MYH10: variants seen among roughly 807,000 people sequenced by gnomAD.
MYH10 encodes myosin heavy chain 10.
A neutral mutation model predicts 257.8 loss-of-function variants in MYH10; 55 were observed. The observed-to-expected ratio is 0.21, with a 90% CI of 0.17 to 0.27. The LOEUF is 0.27. Ranked by LOEUF, MYH10 falls within the 10% of genes least tolerant of loss-of-function variation. MYH10 has a pLI of 1.00. For synonymous variants in MYH10, 854 were observed against 921.7 expected, an observed-to-expected ratio of 0.93 and a Z score of 1.33; for missense variants, 1,631 against 2,500.6, an observed-to-expected ratio of 0.65 and a Z score of 7.42.
intron 2 of MYH10, among the ~76,000 whole-genome samples, chr17:8,607,735 T>C (rs1370295876): frequency 1.3e-5 from 2 of 152,216 alleles, no homozygotes; most frequent in East Asian, 3.8e-4. Context: ...ACACAGAAGA[T>C]ACTAAGCTTC....
At chr17:8,603,302 G>A (rs12942296) in intron 3 of MYH10, among the ~76,000 whole-genome samples, 53 of 152,136 alleles carry the variant, frequency 3.5e-4, no homozygotes, top group Non-Finnish European at 5.7e-4. Context: ...GTGCACATCC[G>A]GATAGATCTG....
intron 3 of MYH10, among the ~76,000 whole-genome samples, chr17:8,594,795 A>C (rs1255458311): frequency 6.6e-6 from 1 of 152,200 alleles, no homozygotes; most frequent in Non-Finnish European, 1.5e-5. Context: ...TCCTGTCTAG[A>C]TTACTTATAA....
At chr17:8,487,334 C>T in intron 36 of MYH10, 99 bp downstream of exon 36, 1 of 1,444,764 alleles carries the variant, frequency 6.9e-7, no homozygotes, top group Non-Finnish European at 9.6e-7. Flanking sequence ...GCCACGCTGA[C>T]AGCGGTGCTG....
In MYH10 at chr17:8,548,417, T is replaced by C. The variant is rs375373957; in HGVS notation, c.1064-9A>G. 6 of 1,458,938 alleles carry C rather than the reference T, an allele frequency of 4.1e-6. No individual in the cohort carries two copies. The Admixed American group carries it at 1.3e-4, about 31-fold the overall frequency. The allele number at this position is 1,458,938 out of a possible 1,614,324, so 90.4% of individuals were successfully genotyped here. A position where few individuals can be genotyped will look rare whatever the true frequency, so the allele number is the denominator to read the frequency against. On this transcript the variant is annotated splice_polypyrimidine_tract_variant and intron_variant, in intron 10 of 42. Transcript: ENST00000360416. ...TACTACTTTAAGCATTGCTTCATAT[T>C]GATAAAAAGAAAAAAAAAATTAATA...
intron 3 of MYH10, among the ~76,000 whole-genome samples, 179 bp downstream of exon 3, chr17:8,604,647 A>C (rs1413394983): frequency 2.0e-5 from 3 of 152,212 alleles, no homozygotes; most frequent in African/African-American, 7.2e-5. Flanking sequence ...ATACTTACAG[A>C]AAATGGCTGT....
At position 8,490,672 on chromosome 17, in the gene MYH10, G is replaced by A. The variant is rs1915626924; in HGVS notation, c.4672-120C>T. On this transcript the variant is annotated intron_variant, in intron 34 of 42. Coordinates refer to ENST00000360416, the MANE Select transcript of MYH10 (RefSeq NM_001256012.3). This position sits in a 1 kb window ranked among gnomAD's most constrained non-coding sequence, Gnocchi z 4.1. The stretch of plus-strand genomic sequence containing the variant: ...CTGGCCACTTTGGTCCCCCTGGGCC[G>A]GCCCCCTGCCACATGCATACACATC... The A allele has an allele frequency of 1.2e-5, 11 of 883,152 alleles. No individual in the cohort carries two copies. The highest frequency in any genetic ancestry group is 1.1e-4 in the South Asian group (7 of 65,518). The allele number at this position is 883,152 out of a possible 1,614,324, so 54.7% of individuals were successfully genotyped here.
chr17:8,562,012 A>G (rs1039015), intron 7 of MYH10, among the ~76,000 whole-genome samples: 146,849 of 152,292 alleles, frequency 0.96, 71,037 homozygotes, highest in Non-Finnish European at 1. Flanking sequence ...AATAAATCTC[A>G]GTTATAAGCC....
At chr17:8,518,476 GT>G (rs1449614039) in intron 21 of MYH10, among the ~76,000 whole-genome samples, 154 bp downstream of exon 21, 12 of 152,074 alleles carry the variant, frequency 7.9e-5, no homozygotes, top group African/African-American at 2.9e-4. Flanking sequence ...TACTTAGAAT[GT>G]TCATGTATTT....
At chr17:8,593,307 A>G (rs753467814) in intron 3 of MYH10, among the ~76,000 whole-genome samples, 34 of 151,996 alleles carry the variant, frequency 2.2e-4, no homozygotes, top group Non-Finnish European at 2.2e-4. Context: ...CACCACTCCT[A>G]TTCAACGCTA....
At chr17:8,580,789 T>C (rs1359371869) in intron 4 of MYH10, among the ~76,000 whole-genome samples, 1 of 152,168 alleles carries the variant, frequency 6.6e-6, no homozygotes, top group Non-Finnish European at 1.5e-5. Flanking sequence ...GTGCTAGGGA[T>C]AGTGTGTCAA....
chr17:8,486,122 G>T (rs1914720386), intron 36 of MYH10, among the ~76,000 whole-genome samples: 1 of 152,156 alleles, frequency 6.6e-6, no homozygotes, highest in South Asian at 2.1e-4. Flanking sequence ...TGGAACAAAG[G>T]CAAATTTATA....
chr17:8,487,166 AG>A (rs1914958450), intron 36 of MYH10, among the ~76,000 whole-genome samples: 1 of 152,222 alleles, frequency 6.6e-6, no homozygotes, highest in African/African-American at 2.4e-5. Flanking sequence ...TCTCGAGGTG[AG>A]GAAGGGTGGG....
At chr17:8,602,101 G>A (rs1292936068) in intron 3 of MYH10, among the ~76,000 whole-genome samples, 2 of 150,460 alleles carry the variant, frequency 1.3e-5, no homozygotes, top group African/African-American at 2.4e-5. Context: ...TCAGCCTCCC[G>A]AGTAGCTGGG....
chr17:8,506,814 G>GGGATGT lies in MYH10; in HGVS notation c.3215-326_3215-325insACATCC, dbSNP rs1405581815. On this transcript the variant is annotated intron_variant, in intron 26 of 42. Coordinates refer to ENST00000360416, the MANE Select transcript of MYH10 (RefSeq NM_001256012.3). This position sits in a 1 kb window ranked among gnomAD's most constrained non-coding sequence, Gnocchi z 5.0. ...CATGTCAAACACATCACTGTACCCA[G>GGGATGT]GTTTGCAAAGTGGCTCAGCAGGTGC... Among the ~76,000 whole-genome samples, 53 of 152,328 alleles carry GGGATGT rather than the reference G, an allele frequency of 3.5e-4. 2 individuals are homozygous for GGGATGT. The highest frequency in any genetic ancestry group is 5.9e-5 in the Non-Finnish European group (4 of 68,030).
chr17:8,480,744 C>T, intron 38 of MYH10: 1 of 623,294 alleles, frequency 1.6e-6, no homozygotes, highest in Non-Finnish European at 2.9e-6. Flanking sequence ...GGCCTGTCAT[C>T]TCTCACCTGG....
intron 2 of MYH10, among the ~76,000 whole-genome samples, chr17:8,621,351 T>C (rs571453485): frequency 2.2e-4 from 34 of 152,154 alleles, no homozygotes; most frequent in Non-Finnish European, 3.8e-4. Flanking sequence ...CAGGCCTTGA[T>C]CCATCAGCCC....
intron 1 of MYH10, among the ~76,000 whole-genome samples, chr17:8,626,043 CACA>C (rs1646612105): frequency 6.6e-6 from 1 of 152,150 alleles, no homozygotes; most frequent in East Asian, 1.9e-4. Flanking sequence ...CAAAAAATCA[CACA>C]ACATGTGATT....
At chr17:8,557,317 CA>C (rs1274287451) in intron 7 of MYH10, among the ~76,000 whole-genome samples, 1 of 151,986 alleles carries the variant, frequency 6.6e-6, no homozygotes, top group Admixed American at 6.6e-5. Context: ...AAAAAAAACC[CA>C]AACCAAGCTA....
At chr17:8,590,848 T>C (rs1157282737) in intron 3 of MYH10, among the ~76,000 whole-genome samples, 1 of 141,216 alleles carries the variant, frequency 7.1e-6, no homozygotes, top group Non-Finnish European at 1.5e-5. Flanking sequence ...TCCCAAACAC[T>C]CTCCCTCAGG....
Sources: gnomAD v4.1 joint callset for allele counts (sites outside exome capture counted in the v4.1 genomes callset) on GRCh38, gnomAD v4.1.1 for gene constraint, Gnocchi (gnomAD v3.1) non-coding constraint, MANE v1.5 for transcripts, NCBI Gene and HGNC (gene_info 2026-07-23, HGNC 2026-07-21) for gene names.